The following SAP130 variants were observed in gnomAD, a reference collection of about 807,000 sequenced individuals.
The protein encoded by SAP130 is histone deacetylase complex subunit SAP130.
SAP130 carries 16 observed loss-of-function variants against 103.2 expected under a neutral mutation model. That is an observed-to-expected ratio of 0.16 (90% CI 0.10 to 0.24). The LOEUF is 0.24. Among genes scored for constraint, SAP130 ranks in the 10% least tolerant of loss-of-function variants. SAP130 has a pLI of 1.00. For missense variants in SAP130, 990 were observed against 1,359.7 expected (o/e 0.73, Z 4.28); for synonymous variants, 477 against 497.0 (o/e 0.96, Z 0.53).
At chr2:128,013,817 C>A (rs1684568508) in intron 5 of SAP130, among the ~76,000 whole-genome samples, 1 of 152,180 alleles carries the variant, frequency 6.6e-6, no homozygotes, top group African/African-American at 2.4e-5. Context: ...GTAGTCCCAG[C>A]CACTCAGGAG....
chr2:127,966,306 T>C (rs938366495), intron 15 of SAP130, among the ~76,000 whole-genome samples: 2 of 151,442 alleles, frequency 1.3e-5, no homozygotes, highest in East Asian at 2.0e-4. Flanking sequence ...GATCGTGCCA[T>C]TGTACTCCAG....
At position 127,942,880 on chromosome 2, in the gene SAP130, C is replaced by T. The variant is rs1303200639; in HGVS notation, c.2902-343G>A. ...GCGCATGCCTGCAATCCCAGTTACTCGGGAGGCTGAGGCAGGAGAATCGCT... is the reference window on the plus strand; with the variant it reads ...GCGCATGCCTGCAATCCCAGTTACTTGGGAGGCTGAGGCAGGAGAATCGCT... On this transcript the variant is annotated intron_variant, in intron 19 of 20. Coordinates refer to ENST00000643581, the MANE Select transcript of SAP130 (RefSeq NM_001330301.2). This position sits in a 1 kb window ranked among gnomAD's most constrained non-coding sequence, Gnocchi z 4.8. 5.9e-5 allele frequency among the ~76,000 whole-genome samples: 9 copies of T among 152,166 alleles called. No individual in the cohort carries two copies. Among genetic ancestry groups the T allele is most frequent in the African/African-American group, 1.7e-4 (7 of 41,510 alleles).
chr2:128,018,062 G>A, intron 2 of SAP130, 147 bp from the exon 3 acceptor site: 3 of 630,056 alleles, frequency 4.8e-6, no homozygotes, highest in Admixed American at 2.9e-5. Flanking sequence ...GTCAATATGG[G>A]CACTGGATTC....
intron 14 of SAP130, among the ~76,000 whole-genome samples, chr2:127,979,325 A>T (rs1223456356): frequency 2.6e-5 from 4 of 152,212 alleles, no homozygotes; most frequent in Admixed American, 1.3e-4. Flanking sequence ...TCAGATTTCT[A>T]GCTACTGGAA....
Position 127,942,342 on chromosome 2 carries a change from C to T in SAP130, c.3015+82G>A, listed in dbSNP as rs548298742. 103 of 1,121,288 alleles carry T rather than the reference C, an allele frequency of 9.2e-5. 3 individuals are homozygous for T. The highest frequency in any genetic ancestry group is 9.0e-4 in the South Asian group (69 of 77,026). The allele number at this position is 1,121,288 out of a possible 1,614,324, so 69.5% of individuals were successfully genotyped here. On this transcript the variant is annotated intron_variant, in intron 20 of 20. Coordinates refer to ENST00000643581, the MANE Select transcript of SAP130 (RefSeq NM_001330301.2). This position sits in a 1 kb window ranked among gnomAD's most constrained non-coding sequence, Gnocchi z 4.8. ...GTTTTTACTGAAGATATGAGGGAGA[C>T]GGGGGGAAACGGGAGAAGTAGGGCT...
At chr2:127,950,121 T>G in intron 17 of SAP130, 39 bp downstream of exon 17, 23 of 1,612,152 alleles carry the variant, frequency 1.4e-5, no homozygotes, top group Non-Finnish European at 2.0e-5. Flanking sequence ...CTGACTTTAT[T>G]GGGAAGCATC....
At chr2:127,960,432 C>G (rs759315034) in intron 15 of SAP130, among the ~76,000 whole-genome samples, 1 of 152,114 alleles carries the variant, frequency 6.6e-6, no homozygotes, top group African/African-American at 2.4e-5. Context: ...AGAGATCTGA[C>G]AGGTTTAACT....
chr2:127,993,909 C>T (rs1226801106), intron 11 of SAP130, among the ~76,000 whole-genome samples: 2 of 152,114 alleles, frequency 1.3e-5, no homozygotes, highest in Non-Finnish European at 2.9e-5. Flanking sequence ...CATGTGCCAC[C>T]GTACCTGGCT....
intron 7 of SAP130, among the ~76,000 whole-genome samples, chr2:128,004,257 T>C (rs1683800049): frequency 6.6e-6 from 1 of 151,418 alleles, no homozygotes. Context: ...TTCGCAAAAT[T>C]AGGAGACATC....
intron 15 of SAP130, among the ~76,000 whole-genome samples, chr2:127,964,626 G>T (rs1033396545): frequency 3.3e-4 from 50 of 151,598 alleles, no homozygotes; most frequent in Admixed American, 1.3e-4. Context: ...AAAACTGTTA[G>T]GCTGAAAAAC....
Position 127,941,811 on chromosome 2 carries a change from G to T in SAP130, c.*195C>A. 3 of 580,458 alleles carry T rather than the reference G, an allele frequency of 5.2e-6. No homozygotes were observed. The highest frequency in any genetic ancestry group is 6.0e-6 in the Non-Finnish European group (2 of 334,432). 36.0% of individuals were successfully genotyped at this position (580,458 alleles called of 1,614,324 possible). On this transcript the variant is annotated 3_prime_UTR_variant, in exon 21 of 21. Coordinates refer to ENST00000643581, the MANE Select transcript of SAP130 (RefSeq NM_001330301.2). ...TTAACAGGGGTGCACCCGAACGCAA[G>T]AAGGCAGCTCACTATGTCCAGTCAG...
chr2:127,987,878 G>A (rs760962767), intron 13 of SAP130, among the ~76,000 whole-genome samples: 3 of 152,120 alleles, frequency 2.0e-5, no homozygotes, highest in Non-Finnish European at 4.4e-5. Flanking sequence ...TCAAAATACT[G>A]GTGAGCATGA....
At chr2:127,960,032 A>T (rs1680128209) in intron 15 of SAP130, among the ~76,000 whole-genome samples, 1 of 152,196 alleles carries the variant, frequency 6.6e-6, no homozygotes, top group African/African-American at 2.4e-5. Context: ...CTGGGACTGT[A>T]CAGGTAAGAG....
intron 7 of SAP130, among the ~76,000 whole-genome samples, chr2:128,005,401 G>A (rs1039600265): frequency 1.3e-5 from 2 of 152,106 alleles, no homozygotes; most frequent in East Asian, 3.9e-4. Context: ...TAAATCACCT[G>A]AGGTCAGGAG....
rs1236019171 is a variant in SAP130 at position 127,995,013 on chromosome 2, TAAC to T, written c.1355+1334_1355+1336del. Among the ~76,000 whole-genome samples, 7 of 147,740 alleles carry T rather than the reference TAAC, an allele frequency of 4.7e-5. No individual in the cohort carries two copies. In the East Asian group the frequency reaches 1.4e-3, roughly 30 times the overall value. ...ACACAAATGATCAAATTAGAACACT[TAAC>T]AATAACCTGTTTTTGAAACTACTTT... On this transcript the variant is annotated intron_variant, in intron 11 of 20. Coordinates refer to ENST00000643581, the MANE Select transcript of SAP130 (RefSeq NM_001330301.2).
chr2:128,023,920 T>A (rs1479593745), intron 2 of SAP130, among the ~76,000 whole-genome samples: 3 of 134,698 alleles, frequency 2.2e-5, no homozygotes, highest in African/African-American at 3.2e-5. Flanking sequence ...TTCTAGAGAA[T>A]AATAATATTC....
Position 128,014,814 on chromosome 2 carries a change from T to G in SAP130, c.608A>C (p.His203Pro), listed in dbSNP as rs1684658888. 6.2e-7 allele frequency: 1 copy of G among 1,613,022 alleles called. No homozygotes were observed. Among genetic ancestry groups the G allele is most frequent in the Non-Finnish European group, 8.5e-7 (1 of 1,179,108 alleles). The change falls in exon 5 of 21, where the codon CAT (histidine) becomes CCT (proline). Residue 203 changes from histidine (H) to proline (P), a missense_variant. By Grantham distance (77) the His-to-Pro change is moderately conservative. Transcript: ENST00000643581. ...PGPPLHIGAS[H>P]LPRGAAAAAV... The stretch of plus-strand genomic sequence containing the variant: ...TTGCAAGTCGTTACCTCGAGGTAAA[T>G]GAGAAGCTCCAATGTGAAGAGGGGG...
chr2:128,006,867 G>A (rs970827720), intron 7 of SAP130, among the ~76,000 whole-genome samples: 1 of 152,164 alleles, frequency 6.6e-6, no homozygotes, highest in African/African-American at 2.4e-5. Flanking sequence ...TAAGGAAATT[G>A]GTCTGTTGAA....
At chr2:127,971,975 A>G (rs1681123556) in intron 15 of SAP130, among the ~76,000 whole-genome samples, 1 of 152,166 alleles carries the variant, frequency 6.6e-6, no homozygotes, top group African/African-American at 2.4e-5. Context: ...TATTTCTAAA[A>G]CAGCCATTTA....
Sources: allele counts gnomAD v4.1 joint callset (sites outside exome capture counted in the v4.1 genomes callset), GRCh38; gene constraint gnomAD v4.1.1; non-coding constraint Gnocchi (gnomAD v3.1); transcripts MANE v1.5; gene names NCBI Gene and HGNC (gene_info 2026-07-23, HGNC 2026-07-21).